Variants in ZNF516 observed in about 807,000 individuals in gnomAD.
ZNF516 encodes the protein zinc finger protein 516.
In ZNF516, 19 loss-of-function variants were observed where a neutral mutation model predicts 79.7. That is an observed-to-expected ratio of 0.24 (90% CI 0.17 to 0.35). The LOEUF (loss-of-function observed/expected upper bound fraction) is 0.35, where lower values mean the gene tolerates loss of function less well. Among genes scored for constraint, ZNF516 ranks in the 10% least tolerant of loss-of-function variants. ZNF516 has a pLI of 1.00. For missense variants in ZNF516, 1,678 were observed against 1,679.5 expected, an observed-to-expected ratio of 1.00 and a Z score of 0.02; for synonymous variants, 877 against 739.5, an observed-to-expected ratio of 1.19 and a Z score of -3.02.
chr18:76,461,665 C>T (rs1457305512), intron 2 of ZNF516, among the ~76,000 whole-genome samples: 2 of 152,242 alleles, frequency 1.3e-5, no homozygotes, highest in Non-Finnish European at 2.9e-5. Flanking sequence ...TTAAAATGGG[C>T]GCCTGGCACA....
chr18:76,374,402 G>A (rs76319596), intron 4 of ZNF516, among the ~76,000 whole-genome samples: 3,005 of 152,272 alleles, frequency 0.02, 35 homozygotes, highest in Non-Finnish European at 0.03. Context: ...AATGCAGTGG[G>A]TTTTTCTTCT....
At position 76,379,645 on chromosome 18, in the gene ZNF516, A is replaced by T; in HGVS notation, c.2469T>A (p.Gly823=). 1 of 1,613,638 alleles carries T rather than the reference A, an allele frequency of 6.2e-7. No homozygotes were observed. Among genetic ancestry groups the T allele is most frequent in the Non-Finnish European group, 8.5e-7 (1 of 1,179,884 alleles). ...SGRTGPPPAL[G]GKECQPLLLA... The stretch of plus-strand genomic sequence containing the variant: ...GGAGCAAAGGCTGGCATTCTTTGCC[A>T]CCGAGGGCAGGCGGGGGGCCCGTGC... The change falls in exon 4 of 7, where the codon GGT becomes GGA. Residue 823 remains glycine, a synonymous_variant. Coordinates refer to ENST00000443185, the MANE Select transcript of ZNF516 (RefSeq NM_014643.4).
chr18:76,433,454 T>C (rs2075688871), intron 3 of ZNF516, among the ~76,000 whole-genome samples: 1 of 152,166 alleles, frequency 6.6e-6, no homozygotes, highest in South Asian at 2.1e-4. Context: ...TCATCCTGCC[T>C]GAAAAGAATG....
rs146439695 is a variant in ZNF516 at position 76,475,314 on chromosome 18, G to C, written c.-271-12173C>G. Among the ~76,000 whole-genome samples the C allele has an allele frequency of 4.3e-3, 659 of 152,218 alleles. 9 individuals are homozygous for C. The South Asian group carries it at 0.06, about 14-fold the overall frequency. On this transcript the variant is annotated intron_variant, in intron 1 of 6. Transcript: ENST00000443185. ...ATCACTTACGATTTTTAAATGCAAT[G>C]GTATTTTCCTCTATTAAGTTGGCCA... is the stretch of plus-strand genomic sequence containing the variant.
At chr18:76,426,860 A>G (rs2075600126) in intron 3 of ZNF516, among the ~76,000 whole-genome samples, 1 of 152,218 alleles carries the variant, frequency 6.6e-6, no homozygotes, top group South Asian at 2.1e-4. Context: ...GTGGCCCATC[A>G]TCAGTACAGG....
chr18:76,444,979 A>G (rs1911953570), intron 2 of ZNF516, among the ~76,000 whole-genome samples: 2 of 152,322 alleles, frequency 1.3e-5, no homozygotes, highest in African/African-American at 4.8e-5. Flanking sequence ...AGCAAATGAA[A>G]AGCAGCAACA....
intron 3 of ZNF516, among the ~76,000 whole-genome samples, chr18:76,407,507 A>G (rs1471525917): frequency 6.6e-6 from 1 of 152,154 alleles, no homozygotes; most frequent in East Asian, 1.9e-4. Flanking sequence ...GGCAGCATCC[A>G]TAATTACGAG....
chr18:76,371,874 G>A (rs1428585127), intron 4 of ZNF516, among the ~76,000 whole-genome samples: 1 of 152,202 alleles, frequency 6.6e-6, no homozygotes, highest in East Asian at 1.9e-4. Flanking sequence ...ACTGCAGGCT[G>A]GGCACAGCCA....
At chr18:76,385,441 C>A (rs180692773) in intron 3 of ZNF516, among the ~76,000 whole-genome samples, 3 of 152,238 alleles carry the variant, frequency 2.0e-5, no homozygotes, top group Non-Finnish European at 2.9e-5. Context: ...TATAAAGTTA[C>A]TCCCCTTTCA....
chr18:76,460,305 C>A (rs912744257), intron 2 of ZNF516, among the ~76,000 whole-genome samples: 1 of 152,192 alleles, frequency 6.6e-6, no homozygotes, highest in Admixed American at 6.5e-5. Flanking sequence ...AAGCTGTGAG[C>A]CACATCCCTC....
At chr18:76,433,736 C>T (rs570144799) in intron 3 of ZNF516, among the ~76,000 whole-genome samples, 24 of 152,290 alleles carry the variant, frequency 1.6e-4, no homozygotes, top group Non-Finnish European at 2.5e-4. Flanking sequence ...GTTAAGCAAA[C>T]GCCTAGTGAA....
rs1312985213 is a variant in ZNF516, at chr18:76,435,218, G to A, written c.1810+6027C>T. The stretch of plus-strand genomic sequence containing the variant: ...ATGTTTGTTTCACGGTACCAAGTAC[G>A]TACATCCCACATGTATTTCTCAGTG... On this transcript the variant is annotated intron_variant, in intron 3 of 6. Coordinates refer to ENST00000443185, the MANE Select transcript of ZNF516 (RefSeq NM_014643.4). 5.3e-5 allele frequency among the ~76,000 whole-genome samples: 8 copies of A among 152,160 alleles called. No homozygotes were observed. In the South Asian group the frequency reaches 8.3e-4, roughly 16 times the overall value.
At chr18:76,449,834 A>G (rs1466467324) in intron 2 of ZNF516, among the ~76,000 whole-genome samples, 1 of 152,234 alleles carries the variant, frequency 6.6e-6, no homozygotes, top group Non-Finnish European at 1.5e-5. Flanking sequence ...TGGATTCAAA[A>G]TAGCTAAATA....
chr18:76,419,402 A>C (rs71361195), intron 3 of ZNF516, among the ~76,000 whole-genome samples: 3,147 of 152,334 alleles, frequency 0.021, 48 homozygotes, highest in Middle Eastern at 0.044. Flanking sequence ...ATGAGCAGTG[A>C]TACCTTCTTT....
Position 76,441,441 on chromosome 18 carries a change from G to T in ZNF516, c.1614C>A (p.Arg538=). ...HQMVLHSRVH[R]RARRERDSDG... The stretch of plus-strand genomic sequence containing the variant: ...CACTGTCCCTCTCGCGGCGCGCGCG[G>T]CGATGCACGCGTGAGTGCAGCACCA... The change falls in exon 3 of 7, where the codon CGC becomes CGA. Residue 538 remains arginine, a synonymous_variant. Coordinates refer to ENST00000443185, the MANE Select transcript of ZNF516 (RefSeq NM_014643.4). 6.2e-7 allele frequency: 1 copy of T among 1,606,378 alleles called. No homozygotes were observed. The highest frequency in any genetic ancestry group is 1.1e-5 in the South Asian group (1 of 90,510).
intron 3 of ZNF516, among the ~76,000 whole-genome samples, chr18:76,392,484 G>A (rs2075087329): frequency 6.6e-6 from 1 of 152,044 alleles, no homozygotes. Context: ...AGGAAAGCAG[G>A]AGGCCAGCTG....
intron 3 of ZNF516, among the ~76,000 whole-genome samples, chr18:76,436,845 A>G (rs1010959090): frequency 3.9e-5 from 6 of 151,930 alleles, no homozygotes; most frequent in African/African-American, 1.5e-4. Flanking sequence ...AGGCGGGTGG[A>G]TTGCTTGAGA....
At chr18:76,366,334 T>A (rs1324868099) in intron 6 of ZNF516, among the ~76,000 whole-genome samples, 2 of 152,200 alleles carry the variant, frequency 1.3e-5, no homozygotes, top group Non-Finnish European at 2.9e-5. Flanking sequence ...AGGGCAGTTG[T>A]TCTACAAAAA....
At chr18:76,495,932 G>A (rs1915464895), upstream of ZNF516, 1 of 322,760 alleles carries the variant, frequency 3.1e-6, no homozygotes, top group Non-Finnish European at 5.5e-6. Context: ...TCAAACAGCG[G>A]CTCTGCCACC....
Sources: gnomAD v4.1 joint callset for allele counts (sites outside exome capture counted in the v4.1 genomes callset) on GRCh38, gnomAD v4.1.1 for gene constraint, MANE v1.5 for transcripts, NCBI Gene and HGNC (gene_info 2026-07-23, HGNC 2026-07-21) for gene names.